HS3ST3B1: variants seen among roughly 807,000 people sequenced by gnomAD.
HS3ST3B1 encodes the protein heparan sulfate-glucosamine 3-sulfotransferase 3B1.
In HS3ST3B1, 13 loss-of-function variants were observed where a neutral mutation model predicts 21.3. The ratio of observed to expected loss-of-function variants is 0.61; its 90% CI spans 0.40 to 0.97. The LOEUF is 0.97. Ranked by LOEUF, HS3ST3B1 falls within the 50% of genes least tolerant of loss-of-function variation. The pLI is 0.00. For missense variants in HS3ST3B1, 459 were observed against 554.8 expected, an observed-to-expected ratio of 0.83 and a Z score of 1.73; for synonymous variants, 234 against 254.8, an observed-to-expected ratio of 0.92 and a Z score of 0.78.
chr17:14,307,897 A>G (rs535425427), intron 1 of HS3ST3B1, among the ~76,000 whole-genome samples: 3 of 152,320 alleles, frequency 2.0e-5, no homozygotes, highest in Admixed American at 6.5e-5. Flanking sequence ...AGAAATTTCA[A>G]TCCTAGGCTG....
At chr17:14,326,401 G>A (rs531750389) in intron 1 of HS3ST3B1, among the ~76,000 whole-genome samples, 1 of 152,318 alleles carries the variant, frequency 6.6e-6, no homozygotes, top group East Asian at 1.9e-4. Context: ...GTCTGTGGAA[G>A]CAAGGGATGG....
chr17:14,334,769 C>T (rs1015131879), intron 1 of HS3ST3B1, among the ~76,000 whole-genome samples: 1 of 152,096 alleles, frequency 6.6e-6, no homozygotes, highest in Non-Finnish European at 1.5e-5. Flanking sequence ...TTCTGTGAAT[C>T]ATCTCTTTAT....
intron 1 of HS3ST3B1, among the ~76,000 whole-genome samples, chr17:14,308,689 T>A (rs1180204705): frequency 6.6e-6 from 1 of 152,196 alleles, no homozygotes; most frequent in African/African-American, 2.4e-5. Flanking sequence ...ATGGCAAATG[T>A]GAAAAAATAA....
chr17:14,310,774 C>T (rs952672544), intron 1 of HS3ST3B1, among the ~76,000 whole-genome samples: 2 of 152,110 alleles, frequency 1.3e-5, no homozygotes, highest in Admixed American at 6.5e-5. Flanking sequence ...CGGGCTTGTC[C>T]CTGGTGCCCT....
chr17:14,335,713 A>T (rs1700384849), intron 1 of HS3ST3B1, among the ~76,000 whole-genome samples: 1 of 152,134 alleles, frequency 6.6e-6, no homozygotes, highest in South Asian at 2.1e-4. Flanking sequence ...AAAGGAAAAA[A>T]AATTTCTATG....
intron 1 of HS3ST3B1, among the ~76,000 whole-genome samples, chr17:14,331,355 C>T (rs1389675222): frequency 6.6e-6 from 1 of 152,078 alleles, no homozygotes; most frequent in Non-Finnish European, 1.5e-5. Context: ...GAAGCGGGGC[C>T]TATAACCGAG....
chr17:14,338,636 T>C (rs780473711), intron 1 of HS3ST3B1, among the ~76,000 whole-genome samples: 1 of 150,996 alleles, frequency 6.6e-6, no homozygotes, highest in Non-Finnish European at 1.5e-5. Context: ...AGAGATTAGG[T>C]TTTTACATGT....
chr17:14,340,480 C>T (rs1910340595), intron 1 of HS3ST3B1, among the ~76,000 whole-genome samples: 1 of 152,186 alleles, frequency 6.6e-6, no homozygotes, highest in African/African-American at 2.4e-5. Context: ...CAATCTGTCT[C>T]CCCATCACTG....
chr17:14,316,281 GA>G (rs767242071), intron 1 of HS3ST3B1, among the ~76,000 whole-genome samples: 1 of 152,186 alleles, frequency 6.6e-6, no homozygotes, highest in Non-Finnish European at 1.5e-5. Context: ...TAAAGAGCAA[GA>G]AGTGGAGTTG....
Position 14,301,515 on chromosome 17 carries a change from G to A in HS3ST3B1, c.-4G>A. 6.5e-7 allele frequency: 1 copy of A among 1,535,010 alleles called. No individual in the cohort carries two copies. The highest frequency in any genetic ancestry group is 8.7e-7 in the Non-Finnish European group (1 of 1,150,242). On this transcript the variant is annotated 5_prime_UTR_variant, in exon 1 of 2. Coordinates refer to ENST00000360954, the MANE Select transcript of HS3ST3B1 (RefSeq NM_006041.3). ...ATGTCCCTGGCCGCGCCCGCGGGCA[G>A]CGCATGGGGCAGCGCCTGAGTGGCG...
At chr17:14,314,337 T>A (rs183729194) in intron 1 of HS3ST3B1, among the ~76,000 whole-genome samples, 63 of 152,352 alleles carry the variant, frequency 4.1e-4, no homozygotes, top group African/African-American at 1.5e-3. Context: ...AAATCAGAAG[T>A]GCACAGCCTG....
intron 1 of HS3ST3B1, among the ~76,000 whole-genome samples, chr17:14,325,889 G>C (rs1158300067): frequency 6.6e-6 from 1 of 152,130 alleles, no homozygotes; most frequent in Non-Finnish European, 1.5e-5. Flanking sequence ...ATTTGTTCCT[G>C]CATTTGTTTA....
chr17:14,311,905 T>C (rs570740708), intron 1 of HS3ST3B1, among the ~76,000 whole-genome samples: 2 of 152,332 alleles, frequency 1.3e-5, no homozygotes, highest in South Asian at 2.1e-4. Flanking sequence ...TTAAGCCTGA[T>C]GTTTTTACTT....
chr17:14,301,655 T>C lies in HS3ST3B1; in HGVS notation c.137T>C (p.Met46Thr), dbSNP rs898156414. 2.5e-6 allele frequency: 4 copies of C among 1,607,968 alleles called. No individual in the cohort carries two copies. Among genetic ancestry groups the C allele is most frequent in the Admixed American group, 1.7e-5 (1 of 59,878 alleles). ...GCCATGCTCTGCGTCTGGCTCTATA[T>C]GTTCCTGTACTCGTGCGCCGGCTCC... ...LFAMLCVWLY[M>T]FLYSCAGSCA... is the part of the protein sequence containing the mutation. The change falls in exon 1 of 2, where the codon ATG becomes ACG. Residue 46 changes from methionine (M) to threonine (T), a missense_variant. Transcript: ENST00000360954.
At chr17:14,341,434 A>C (rs985504306) in intron 1 of HS3ST3B1, among the ~76,000 whole-genome samples, 2 of 152,306 alleles carry the variant, frequency 1.3e-5, no homozygotes, top group East Asian at 3.9e-4. Flanking sequence ...AACAGAAGAT[A>C]ATTGATAACA....
chr17:14,312,565 G>A (rs191470791), intron 1 of HS3ST3B1, among the ~76,000 whole-genome samples: 14 of 152,034 alleles, frequency 9.2e-5, no homozygotes, highest in Admixed American at 6.5e-4. Context: ...TGATGGTGGC[G>A]GTCTTCAACC....
At chr17:14,317,845 T>A (rs1909545735) in intron 1 of HS3ST3B1, among the ~76,000 whole-genome samples, 2 of 152,082 alleles carry the variant, frequency 1.3e-5, no homozygotes, top group South Asian at 4.1e-4. Flanking sequence ...TTATATGAGT[T>A]GTGAATTCAA....
intron 1 of HS3ST3B1, among the ~76,000 whole-genome samples, chr17:14,331,051 G>T (rs142194504): frequency 1.1e-3 from 172 of 152,262 alleles, no homozygotes; most frequent in African/African-American, 3.8e-3. Context: ...CCCATTGGCA[G>T]CACTGATTTT....
chr17:14,329,994 G>A (rs1422949012), intron 1 of HS3ST3B1, among the ~76,000 whole-genome samples: 1 of 152,132 alleles, frequency 6.6e-6, no homozygotes, highest in African/African-American at 2.4e-5. Context: ...GAATTTTTTT[G>A]TAAAAGTGGC....
Sources: allele counts gnomAD v4.1 joint callset (sites outside exome capture counted in the v4.1 genomes callset), GRCh38; gene constraint gnomAD v4.1.1; transcripts MANE v1.5; gene names NCBI Gene and HGNC (gene_info 2026-07-23, HGNC 2026-07-21).